The following IL6R variants were observed in gnomAD, a reference collection of about 807,000 sequenced individuals.
IL6R encodes the protein interleukin-6 receptor subunit alpha.
IL6R carries 38 observed loss-of-function variants against 48.3 expected under a neutral mutation model. The ratio of observed to expected loss-of-function variants is 0.79; its 90% CI spans 0.61 to 1.03. IL6R has a LOEUF of 1.03. IL6R is among the 50% of genes least tolerant of loss of function. The pLI is 0.00. For synonymous variants in IL6R, 264 were observed against 256.2 expected, an observed-to-expected ratio of 1.03 and a Z score of -0.29; for missense variants, 534 against 618.3, an observed-to-expected ratio of 0.86 and a Z score of 1.45.
chr1:154,451,609 T>G (rs1243088946), intron 8 of IL6R, among the ~76,000 whole-genome samples: 3 of 152,166 alleles, frequency 2.0e-5, no homozygotes, highest in Non-Finnish European at 4.4e-5. Flanking sequence ...ATGATTTTTT[T>G]TCTTTTTTTT....
In IL6R at chr1:154,434,693, T is replaced by C. The variant is rs772664051; in HGVS notation, c.633T>C (p.Cys211=). Residue 211 remains cysteine, a synonymous_variant, in exon 4 of 10, where the codon TGT becomes TGC. Transcript: ENST00000368485. ...KFSKTQTFQG[C]GILQPDPPAN... ...GCAAAACTCAAACCTTTCAGGGTTG[T>C]GGAATCTGTACGTAAGCTCTAACCC... 1 of 1,613,846 alleles carries C rather than the reference T, an allele frequency of 6.2e-7. No homozygotes were observed. The highest frequency in any genetic ancestry group is 1.7e-5 in the Admixed American group (1 of 59,968).
chr1:154,427,815 A>G (rs1465230133), intron 1 of IL6R, among the ~76,000 whole-genome samples: 2 of 152,124 alleles, frequency 1.3e-5, no homozygotes, highest in Non-Finnish European at 2.9e-5. Context: ...GATGGGGTGA[A>G]AGGAAGGACA....
At chr1:154,461,938 C>T (rs983787615) in intron 9 of IL6R, among the ~76,000 whole-genome samples, 7 of 152,086 alleles carry the variant, frequency 4.6e-5, no homozygotes, top group Non-Finnish European at 8.8e-5. Context: ...AACTGGTTGC[C>T]GGAATTAGGG....
Position 154,434,763 on chromosome 1 carries a change from G to A in IL6R, c.640+63G>A, listed in dbSNP as rs1184759309. The A allele has an allele frequency of 6.0e-6, 9 of 1,496,704 alleles. No homozygotes were observed. In the East Asian group the frequency reaches 6.8e-5, roughly 11 times the overall value. 92.7% of individuals were successfully genotyped at this position (1,496,704 alleles called of 1,614,324 possible). ...CTCTTTTGATTTAATACTCCTTATC[G>A]ACTTCTCAGAGTGGCAGGGAAGGGG... On this transcript the variant is annotated intron_variant, in intron 4 of 9. Coordinates refer to ENST00000368485, the MANE Select transcript of IL6R (RefSeq NM_000565.4).
At chr1:154,455,115 T>A (rs975735864) in intron 9 of IL6R, among the ~76,000 whole-genome samples, 23 of 152,202 alleles carry the variant, frequency 1.5e-4, no homozygotes, top group African/African-American at 5.5e-4. Context: ...GGTTTCATGT[T>A]GCCCAGGCTG....
At chr1:154,447,728 T>C (rs1664777726) in intron 6 of IL6R, among the ~76,000 whole-genome samples, 1 of 151,660 alleles carries the variant, frequency 6.6e-6, no homozygotes, top group South Asian at 2.1e-4. Context: ...TTTGTTTTGT[T>C]TTTGAGACGG....
In IL6R at chr1:154,436,056, G is replaced by A. The variant is rs375243100; in HGVS notation, c.895G>A (p.Gly299Arg). 2.9e-5 allele frequency: 46 copies of A among 1,613,112 alleles called. No individual in the cohort carries two copies. The highest frequency in any genetic ancestry group is 3.6e-5 in the Non-Finnish European group (43 of 1,179,568). Residue 299 changes from glycine to arginine, a missense_variant, in exon 6 of 10, where the codon GGG becomes AGG. Physicochemically the swap from Gly to Arg is moderately radical, Grantham distance 125 (BLOSUM62 -2). Coordinates refer to ENST00000368485, the MANE Select transcript of IL6R (RefSeq NM_000565.4). ...GCAGCTTCGTGCCCAGGAGGAGTTCGGGCAAGGCGAGTGGAGCGAGTGGAG... is the reference window on the plus strand; with the variant it reads ...GCAGCTTCGTGCCCAGGAGGAGTTCAGGCAAGGCGAGTGGAGCGAGTGGAG... ...VVQLRAQEEF[G>R]QGEWSEWSPE... is the part of the protein sequence containing the mutation.
chr1:154,457,968 T>TTTTC (rs72268048), intron 9 of IL6R, among the ~76,000 whole-genome samples: 607 of 35,310 alleles, frequency 0.017, 10 homozygotes, highest in South Asian at 0.05. Flanking sequence ...TTTCTTTTTC[T>TTTTC]TTTTTTTTTT....
intron 1 of IL6R, chr1:154,415,161 C>G (rs560680273): frequency 7.7e-6 from 6 of 778,780 alleles, no homozygotes; most frequent in South Asian, 7.2e-5. Flanking sequence ...CAGGACAGGG[C>G]CCTAGGTCGC....
At chr1:154,416,475 C>T (rs1688360456) in intron 1 of IL6R, among the ~76,000 whole-genome samples, 2 of 152,084 alleles carry the variant, frequency 1.3e-5, no homozygotes, top group African/African-American at 2.4e-5. Context: ...TTAGGGAACA[C>T]TGATGTATTT....
At chr1:154,431,154 G>C (rs1009261541) in intron 3 of IL6R, among the ~76,000 whole-genome samples, 4 of 152,144 alleles carry the variant, frequency 2.6e-5, no homozygotes, top group Non-Finnish European at 5.9e-5. Context: ...TTGGGGCCGT[G>C]GGGGGAGAAG....
Position 154,429,350 on chromosome 1 carries a change from G to A in IL6R, c.240G>A (p.Arg80=). 6.2e-7 allele frequency: 1 copy of A among 1,614,126 alleles called. No individual in the cohort carries two copies. Among genetic ancestry groups the A allele is most frequent in the Admixed American group, 1.7e-5 (1 of 60,018 alleles). ...GCAGATGGGCTGGCATGGGAAGGAG[G>A]CTGCTGCTGAGGTCGGTGCAGCTCC... ...HPSRWAGMGR[R]LLLRSVQLHD... The change falls in exon 2 of 10, where the codon AGG becomes AGA. Residue 80 remains arginine (R), a synonymous_variant. Coordinates refer to ENST00000368485, the MANE Select transcript of IL6R (RefSeq NM_000565.4).
chr1:154,429,844 ATG>A (rs773535848), intron 2 of IL6R, among the ~76,000 whole-genome samples: 2 of 151,784 alleles, frequency 1.3e-5, no homozygotes, highest in Non-Finnish European at 2.9e-5. Flanking sequence ...GAATTTGCGT[ATG>A]TGTGTGTGTG....
chr1:154,449,984 A>G lies in IL6R; in HGVS notation c.1066+4A>G. 6.3e-7 allele frequency: 1 copy of G among 1,578,656 alleles called. No individual in the cohort carries two copies. The highest frequency in any genetic ancestry group is 8.7e-7 in the Non-Finnish European group (1 of 1,147,624). ...GCAAATGCGACAAGCCTCCCAGGTA[A>G]GGACTGGGTATTTTCATATTCCCAG... On this transcript the variant is annotated splice_donor_region_variant and intron_variant, in intron 8 of 9. Transcript: ENST00000368485.
chr1:154,421,512 G>A (rs1688662111), intron 1 of IL6R, among the ~76,000 whole-genome samples: 1 of 152,180 alleles, frequency 6.6e-6, no homozygotes, highest in South Asian at 2.1e-4. Flanking sequence ...GTGGAGTCAG[G>A]CCTGATCTCT....
chr1:154,455,253 T>G (rs1376915171), intron 9 of IL6R, among the ~76,000 whole-genome samples: 2 of 151,502 alleles, frequency 1.3e-5, no homozygotes, highest in African/African-American at 4.9e-5. Context: ...GTAATATGGT[T>G]GACAGCGTGT....
chr1:154,442,238 C>G (rs1570976805), intron 6 of IL6R, among the ~76,000 whole-genome samples: 1 of 151,992 alleles, frequency 6.6e-6, no homozygotes, highest in Admixed American at 6.6e-5. Flanking sequence ...GTTCACAGCA[C>G]GATAAGGCCG....
chr1:154,421,783 C>G (rs1688677277), intron 1 of IL6R, among the ~76,000 whole-genome samples: 1 of 152,098 alleles, frequency 6.6e-6, no homozygotes, highest in African/African-American at 2.4e-5. Flanking sequence ...CCATGCCCAG[C>G]TAATTTTAGA....
chr1:154,428,053 T>G (rs776451489), intron 1 of IL6R, among the ~76,000 whole-genome samples: 2 of 152,228 alleles, frequency 1.3e-5, no homozygotes, highest in Non-Finnish European at 2.9e-5. Context: ...ACATGAAAAC[T>G]GGCTGTGTTC....
Sources: gnomAD v4.1 joint callset for allele counts (sites outside exome capture counted in the v4.1 genomes callset) on GRCh38, gnomAD v4.1.1 for gene constraint, MANE v1.5 for transcripts, NCBI Gene and HGNC (gene_info 2026-07-23, HGNC 2026-07-21) for gene names.